ZBTB7C: variants seen among roughly 807,000 people sequenced by gnomAD.
ZBTB7C encodes the protein zinc finger and BTB domain containing 7C.
ZBTB7C carries 8 observed loss-of-function variants against 25.7 expected under a neutral mutation model. That is an observed-to-expected ratio of 0.31 (90% CI 0.18 to 0.56). The LOEUF is 0.56. ZBTB7C is among the 20% of genes least tolerant of loss of function. The pLI is 0.91. For missense variants in ZBTB7C, 824 were observed against 855.2 expected (o/e 0.96, Z 0.46); for synonymous variants, 394 against 369.0 (o/e 1.07, Z -0.78).
chr18:48,250,993 T>C (rs576501895), intron 2 of ZBTB7C, among the ~76,000 whole-genome samples: 2 of 152,090 alleles, frequency 1.3e-5, no homozygotes, highest in South Asian at 4.2e-4. Flanking sequence ...GGAGGCTGAG[T>C]TGGGAGGATC....
intron 1 of ZBTB7C, among the ~76,000 whole-genome samples, chr18:48,368,440 T>G (rs1204722977): frequency 6.6e-6 from 1 of 152,060 alleles, no homozygotes; most frequent in African/African-American, 2.4e-5. Flanking sequence ...AATAAAAGCC[T>G]CAGGGACCTG....
chr18:48,162,804 A>C (rs116852226), intron 3 of ZBTB7C, among the ~76,000 whole-genome samples: 1 of 152,372 alleles, frequency 6.6e-6, no homozygotes, highest in Non-Finnish European at 1.5e-5. Flanking sequence ...TCAGCACACA[A>C]TAGTGCCTCT....
chr18:48,291,577 G>A (rs1598796635), intron 2 of ZBTB7C, among the ~76,000 whole-genome samples: 2 of 152,288 alleles, frequency 1.3e-5, no homozygotes, highest in East Asian at 3.9e-4. Flanking sequence ...GGACTCGGTT[G>A]TTATGAAAAC....
intron 2 of ZBTB7C, among the ~76,000 whole-genome samples, chr18:48,292,237 C>G (rs1340642589): frequency 6.6e-6 from 1 of 152,102 alleles, no homozygotes; most frequent in Non-Finnish European, 1.5e-5. Flanking sequence ...GTACTTACAT[C>G]TTGGCACTGT....
At chr18:48,270,471 G>T (rs866577610) in intron 2 of ZBTB7C, among the ~76,000 whole-genome samples, 30 of 150,758 alleles carry the variant, frequency 2.0e-4, no homozygotes, top group African/African-American at 7.3e-4. Flanking sequence ...CCAGGTGGGC[G>T]GATCTCGAGG....
intron 2 of ZBTB7C, among the ~76,000 whole-genome samples, 158 bp from the exon 3 acceptor site, chr18:48,186,153 T>TGCCCCTCGCTCCTCGCAGGATTCC (rs2042048058): frequency 6.6e-6 from 1 of 152,160 alleles, no homozygotes; most frequent in South Asian, 2.1e-4. Context: ...GTTGGGTGGG[T>TGCCCCTCGCTCCTCGCAGGATTCC]GCCCCTCGCT....
chr18:48,373,933 C>G (rs1372888508), intron 1 of ZBTB7C, among the ~76,000 whole-genome samples: 1 of 150,810 alleles, frequency 6.6e-6, no homozygotes, highest in African/African-American at 2.4e-5. Context: ...TGCACTCCAG[C>G]CTGGGCAACA....
intron 1 of ZBTB7C, among the ~76,000 whole-genome samples, chr18:48,367,236 CAT>C (rs1365135387): frequency 7.8e-5 from 6 of 76,772 alleles, no homozygotes; most frequent in East Asian, 5.9e-4. Flanking sequence ...CACACACATA[CAT>C]ACACACACAC....
At chr18:48,192,746 G>A (rs1783914026) in intron 2 of ZBTB7C, among the ~76,000 whole-genome samples, 1 of 152,236 alleles carries the variant, frequency 6.6e-6, no homozygotes, top group Non-Finnish European at 1.5e-5. Context: ...ATAGGCGTGA[G>A]CCACTGAACC....
chr18:48,256,517 T>C (rs553492549), intron 2 of ZBTB7C, among the ~76,000 whole-genome samples: 44 of 147,328 alleles, frequency 3.0e-4, no homozygotes, highest in African/African-American at 1.1e-3. Flanking sequence ...TTATAAGAAG[T>C]GTTAAAGGAC....
rs551944692 is a variant in ZBTB7C at position 48,304,790 on chromosome 18, G to A, written c.-79+33384C>T. Among the ~76,000 whole-genome samples the A allele has an allele frequency of 6.8e-5, 9 of 133,132 alleles. No individual in the cohort carries two copies. In the South Asian group the frequency reaches 1.4e-3, roughly 21 times the overall value. The allele number at this position is 133,132 out of a possible 152,430, so 87.3% of individuals were successfully genotyped here. On this transcript the variant is annotated intron_variant, in intron 2 of 4. Coordinates refer to ENST00000590800, the MANE Select transcript of ZBTB7C (RefSeq NM_001318841.2). ...TGGGAGGTGGAGGTTGCAGTGAGCC[G>A]AGATCACACCACTGCACTCCATCCT...
chr18:48,254,433 G>T (rs115670720), intron 2 of ZBTB7C, among the ~76,000 whole-genome samples: 1,829 of 152,270 alleles, frequency 0.012, 37 homozygotes, highest in African/African-American at 0.042. Flanking sequence ...ATCACACATG[G>T]TTGAACCAAT....
At chr18:48,354,881 C>T (rs772626991) in intron 1 of ZBTB7C, among the ~76,000 whole-genome samples, 19 of 152,186 alleles carry the variant, frequency 1.2e-4, no homozygotes, top group Admixed American at 5.9e-4. Context: ...TGCCCTCCTA[C>T]GCCCCTCAGC....
intron 3 of ZBTB7C, among the ~76,000 whole-genome samples, chr18:48,128,019 T>C (rs764833067): frequency 6.6e-6 from 1 of 152,228 alleles, no homozygotes; most frequent in Non-Finnish European, 1.5e-5. Flanking sequence ...TCCATCTTTA[T>C]GTTCGCTCCA....
At chr18:48,282,510 A>G (rs921766071) in intron 2 of ZBTB7C, among the ~76,000 whole-genome samples, 33 of 152,328 alleles carry the variant, frequency 2.2e-4, no homozygotes, top group Non-Finnish European at 4.4e-4. Context: ...AGTTCCAGGT[A>G]TATATAGCTA....
intron 1 of ZBTB7C, among the ~76,000 whole-genome samples, chr18:48,338,625 GCA>G (rs2046513539): frequency 6.6e-6 from 1 of 151,896 alleles, no homozygotes; most frequent in African/African-American, 2.4e-5. Flanking sequence ...GCACACACAT[GCA>G]CACACACGCC....
intron 2 of ZBTB7C, among the ~76,000 whole-genome samples, chr18:48,217,711 C>G (rs75591216): frequency 2.0e-5 from 3 of 152,150 alleles, no homozygotes; most frequent in African/African-American, 7.2e-5. Flanking sequence ...ACCCCACTGC[C>G]CCAACTCACA....
chr18:48,349,158 C>T (rs1013550425), intron 1 of ZBTB7C, among the ~76,000 whole-genome samples: 9 of 152,098 alleles, frequency 5.9e-5, no homozygotes, highest in African/African-American at 2.2e-4. Flanking sequence ...CTCAGTGGCT[C>T]CTTCAAATTG....
Position 48,040,943 on chromosome 18 carries a change from G to A in ZBTB7C, c.165C>T (p.Cys55=). ...TGAAAAGCTTCTTGAAGTACTTGCT[G>A]CAGGCAGCCAGGACGGAGCGGTGGG... ...YRTHRSVLAA[C]SKYFKKLFTA... Residue 55 remains cysteine (C), a synonymous_variant, in exon 4 of 5, where the codon TGC becomes TGT. Transcript: ENST00000590800. 1 of 1,614,178 alleles carries A rather than the reference G, an allele frequency of 6.2e-7. No homozygotes were observed. Among genetic ancestry groups the A allele is most frequent in the Non-Finnish European group, 8.5e-7 (1 of 1,180,038 alleles).
Sources: allele counts gnomAD v4.1 joint callset (sites outside exome capture counted in the v4.1 genomes callset), GRCh38; gene constraint gnomAD v4.1.1; transcripts MANE v1.5; gene names NCBI Gene and HGNC (gene_info 2026-07-23, HGNC 2026-07-21).